Variants in PSMC6 observed in about 807,000 individuals in gnomAD.
PSMC6 encodes 26S proteasome regulatory subunit 10B.
In PSMC6, 3 loss-of-function variants were observed where a neutral mutation model predicts 55.9. The ratio of observed to expected loss-of-function variants is 0.05; its 90% CI spans 0.02 to 0.14. The LOEUF (loss-of-function observed/expected upper bound fraction) is 0.14, where lower values mean the gene tolerates loss of function less well. Ranked by LOEUF, PSMC6 falls within the 10% of genes least tolerant of loss-of-function variation. The pLI is 1.00. For synonymous variants in PSMC6, 137 were observed against 155.9 expected, an observed-to-expected ratio of 0.88 and a Z score of 0.90; for missense variants, 210 against 478.7, an observed-to-expected ratio of 0.44 and a Z score of 5.24.
chr14:52,714,278 G>A (rs1046252977), intron 7 of PSMC6, among the ~76,000 whole-genome samples: 10 of 152,114 alleles, frequency 6.6e-5, no homozygotes, highest in African/African-American at 1.7e-4. Flanking sequence ...GGACTCAAGC[G>A]ATCTGCCCAC....
chr14:52,726,472 C>A (rs1178110127), intron 13 of PSMC6, among the ~76,000 whole-genome samples: 1 of 152,130 alleles, frequency 6.6e-6, no homozygotes, highest in Non-Finnish European at 1.5e-5. Flanking sequence ...ATCAAACTTA[C>A]TCAAGATTTT....
At position 52,727,741 on chromosome 14, in the gene PSMC6, ACAT is replaced by A. The variant is rs1433885472; in HGVS notation, c.*128_*130del. On this transcript the variant is annotated 3_prime_UTR_variant, in exon 14 of 14. Transcript: ENST00000445930. Reference sequence around the variant, plus strand: ...AAGTATATGAATAAAAATATGAGTAACATCATAAAAATTAGTAATTCAACTTTT... The same window carrying A: ...AAGTATATGAATAAAAATATGAGTAACATAAAAATTAGTAATTCAACTTTT... The A allele has an allele frequency of 3.9e-5, 22 of 559,356 alleles. 1 individual carries two copies. Among genetic ancestry groups the A allele is most frequent in the Admixed American group, 2.2e-4 (7 of 32,446 alleles). The allele number at this position is 559,356 out of a possible 1,614,324, so 34.6% of individuals were successfully genotyped here. A position where few individuals can be genotyped will look rare whatever the true frequency, so the allele number is the denominator to read the frequency against.
chr14:52,718,398 T>C, intron 9 of PSMC6, 46 bp downstream of exon 9: 2 of 1,563,218 alleles, frequency 1.3e-6, no homozygotes, highest in Non-Finnish European at 1.7e-6. Flanking sequence ...TTTTTTTAAA[T>C]GTAAAAGAAC....
At chr14:52,720,799 G>A (rs2041882780) in intron 10 of PSMC6, 62 bp from the exon 11 acceptor site, 2 of 1,339,652 alleles carry the variant, frequency 1.5e-6, no homozygotes, top group Non-Finnish European at 1.0e-6. Context: ...ACATATAAAA[G>A]GTGTGTGCTA....
chr14:52,720,928 C>T lies in PSMC6; in HGVS notation c.845C>T (p.Pro282Leu). The change falls in exon 11 of 14, where the codon CCA becomes CTA. Residue 282 changes from proline (P) to leucine (L), a missense_variant. This residue lies in a region of PSMC6 where 79 missense variants were observed against 158.7 expected (regional missense o/e 0.50). Transcript: ENST00000445930. ...RVKMIMATNR[P>L]DTLDPALLRP... ...AAAATGATCATGGCTACAAACAGACCAGATACACTGGATCCTGCTTTGCTG... is the reference window on the plus strand; with the variant it reads ...AAAATGATCATGGCTACAAACAGACTAGATACACTGGATCCTGCTTTGCTG... 1 of 1,612,832 alleles carries T rather than the reference C, an allele frequency of 6.2e-7. No homozygotes were observed. Among genetic ancestry groups the T allele is most frequent in the Non-Finnish European group, 8.5e-7 (1 of 1,179,154 alleles).
chr14:52,724,945 G>A (rs552967031), intron 13 of PSMC6, among the ~76,000 whole-genome samples: 25 of 152,242 alleles, frequency 1.6e-4, no homozygotes, highest in Non-Finnish European at 2.8e-4. Flanking sequence ...GCTCAGGGAG[G>A]GCTTCTCAGT....
intron 10 of PSMC6, among the ~76,000 whole-genome samples, chr14:52,719,828 A>G (rs1032551268): frequency 6.6e-6 from 1 of 152,200 alleles, no homozygotes; most frequent in African/African-American, 2.4e-5. Context: ...TATTTTAGAG[A>G]GTTTGTTAAA....
Position 52,714,648 on chromosome 14 carries a change from G to T in PSMC6, c.529+680G>T, listed in dbSNP as rs144201143. Among the ~76,000 whole-genome samples, 160 of 152,108 alleles carry T rather than the reference G, an allele frequency of 1.1e-3. 2 individuals carry two copies. Among genetic ancestry groups the T allele is most frequent in the African/African-American group, 3.7e-3 (153 of 41,498 alleles). ...AGGCCGAGGCAGGCAGATCACCAGA[G>T]GTCAGGAGTTTGAGAGCAGCCTGGC... is the stretch of plus-strand genomic sequence containing the variant. On this transcript the variant is annotated intron_variant, in intron 7 of 13. Transcript: ENST00000445930.
chr14:52,714,021 TAA>T (rs200257876), intron 7 of PSMC6, 53 bp downstream of exon 7: 65 of 963,182 alleles, frequency 6.7e-5, no homozygotes, highest in East Asian at 2.1e-4. Context: ...ATTAAGGAAT[TAA>T]AAAAAAAAAG....
chr14:52,721,883 A>G (rs1186726275), intron 12 of PSMC6: 1 of 152,634 alleles, frequency 6.6e-6, no homozygotes, highest in African/African-American at 2.4e-5. Context: ...CTCACACCTC[A>G]GCCTCCTGAT....
intron 12 of PSMC6, 199 bp from the exon 13 acceptor site, chr14:52,723,766 G>A (rs911276288): frequency 1.9e-5 from 24 of 1,231,928 alleles, no homozygotes; most frequent in African/African-American, 3.1e-5. Flanking sequence ...AAGTTTCAGG[G>A]GTGTGTCTAA....
At chr14:52,715,619 C>CTT (rs35579887) in intron 7 of PSMC6, among the ~76,000 whole-genome samples, 19 of 140,986 alleles carry the variant, frequency 1.3e-4, no homozygotes, top group South Asian at 2.2e-4. Flanking sequence ...CTTTTCTTTT[C>CTT]TTTTTTTTTT....
intron 7 of PSMC6, among the ~76,000 whole-genome samples, chr14:52,714,539 A>T (rs897989506): frequency 2.6e-5 from 4 of 152,058 alleles, no homozygotes; most frequent in African/African-American, 9.7e-5. Context: ...GCTTTCATGG[A>T]CTCTGTAAGG....
chr14:52,711,639 A>G, intron 6 of PSMC6, 115 bp downstream of exon 6: 1 of 534,124 alleles, frequency 1.9e-6, no homozygotes, highest in African/African-American at 2.0e-5. Flanking sequence ...GTAGTTAAGA[A>G]TATTATGTAT....
chr14:52,715,797 A>G (rs996578441), intron 7 of PSMC6, among the ~76,000 whole-genome samples: 2 of 151,710 alleles, frequency 1.3e-5, no homozygotes, highest in African/African-American at 4.8e-5. Flanking sequence ...TTGTGTTTTT[A>G]GTAGAGGCAG....
intron 11 of PSMC6, 58 bp from the exon 12 acceptor site, chr14:52,721,052 C>T: frequency 6.3e-7 from 1 of 1,582,688 alleles, no homozygotes; most frequent in Non-Finnish European, 8.6e-7. Context: ...TTCACTTCAC[C>T]TTCCACTGTA....
intron 4 of PSMC6, chr14:52,709,736 C>CTT (rs200184712): frequency 1.9e-4 from 45 of 236,798 alleles, no homozygotes; most frequent in East Asian, 6.0e-4. Context: ...TAGATTTTGG[C>CTT]TTTTTTTTTT....
Position 52,720,841 on chromosome 14 carries a change from C to CT in PSMC6, c.778-19dup. ...TTAATGGTTAGAATTTTTGTAAAAT[C>CT]TGATTCTTAATATTCTTAGTTACTG... On this transcript the variant is annotated intron_variant, in intron 10 of 13. Transcript: ENST00000445930. The CT allele has an allele frequency of 6.4e-7, 1 of 1,564,706 alleles. No individual in the cohort carries two copies. The highest frequency in any genetic ancestry group is 8.7e-7 in the Non-Finnish European group (1 of 1,146,060).
chr14:52,720,543 C>T (rs2041880349), intron 10 of PSMC6, among the ~76,000 whole-genome samples: 1 of 151,802 alleles, frequency 6.6e-6, no homozygotes, highest in African/African-American at 2.4e-5. Context: ...AAATTTTGGA[C>T]ATTGGAAATT....
Sources: gnomAD v4.1 joint callset for allele counts (sites outside exome capture counted in the v4.1 genomes callset) on GRCh38, gnomAD v4.1.1 for gene constraint, gnomAD v4.1.1 regional missense constraint, MANE v1.5 for transcripts, NCBI Gene and HGNC (gene_info 2026-07-23, HGNC 2026-07-21) for gene names.